Variants in CASP6 observed in about 807,000 individuals in gnomAD.
The protein encoded by CASP6 is caspase 6.
Under a neutral mutation model 31.8 loss-of-function variants are expected in CASP6, and 20 were observed. The observed-to-expected ratio is 0.63, with a 90% CI of 0.44 to 0.91. The LOEUF is 0.91. Ranked by LOEUF, CASP6 falls within the 40% of genes least tolerant of loss-of-function variation. CASP6 has a pLI of 0.00. For synonymous variants in CASP6, 130 were observed against 127.8 expected (o/e 1.02, Z -0.12); for missense variants, 328 against 361.1 (o/e 0.91, Z 0.74).
At chr4:109,707,104 TA>T (rs1329575989), upstream of CASP6, among the ~76,000 whole-genome samples, 1 of 152,192 alleles carries the variant, frequency 6.6e-6, no homozygotes, top group Admixed American at 6.5e-5. Flanking sequence ...GTATATACAT[TA>T]TTTTTTTAGA....
At chr4:109,690,708 T>C in intron 6 of CASP6, 142 bp downstream of exon 6, 1 of 769,138 alleles carries the variant, frequency 1.3e-6, no homozygotes, top group South Asian at 2.0e-5. Flanking sequence ...TGCCATGTGG[T>C]CAAAGAAATT....
At chr4:109,688,156 G>A (rs560109289), downstream of CASP6, 4 of 152,288 alleles carry the variant, frequency 2.6e-5, no homozygotes, top group Non-Finnish European at 5.9e-5. Context: ...GTATATAAAC[G>A]ATTGCTTTTG....
downstream of CASP6, chr4:109,685,234 C>T: frequency 1.1e-6 from 1 of 935,888 alleles, no homozygotes. Flanking sequence ...TTTCTTCTCT[C>T]TCTCTTTTTT....
chr4:109,682,782 C>T, the CASP6 span: 3 of 1,506,376 alleles, frequency 2.0e-6, no homozygotes, highest in Middle Eastern at 1.7e-4. Flanking sequence ...GAAAATAATA[C>T]CTAGTGTTTA....
chr4:109,682,601 C>T, the CASP6 span: 2 of 1,610,570 alleles, frequency 1.2e-6, no homozygotes, highest in Non-Finnish European at 1.7e-6. Context: ...GTAATGAGCA[C>T]ACTGCTGAGA....
intron 4 of CASP6, among the ~76,000 whole-genome samples, chr4:109,695,482 C>T (rs1018715152): frequency 1.4e-4 from 22 of 152,248 alleles, no homozygotes; most frequent in South Asian, 4.1e-4. Flanking sequence ...TAGGGCCAGG[C>T]GCAGTGGCTC....
chr4:109,702,016 C>T (rs1730435136), intron 1 of CASP6, among the ~76,000 whole-genome samples: 2 of 152,242 alleles, frequency 1.3e-5, no homozygotes, highest in South Asian at 2.1e-4. Flanking sequence ...AAAATCTACC[C>T]ATCGGCTCCA....
chr4:109,672,034 G>T, the CASP6 span, among the ~76,000 whole-genome samples: 1 of 151,846 alleles, frequency 6.6e-6, no homozygotes, highest in Non-Finnish European at 1.5e-5. Context: ...TAATGTAGTG[G>T]TAAGATATTG....
intron 1 of CASP6, among the ~76,000 whole-genome samples, chr4:109,702,051 T>C (rs1730435680): frequency 6.6e-6 from 1 of 152,198 alleles, no homozygotes; most frequent in South Asian, 2.1e-4. Context: ...AGTAACCCTA[T>C]GTAGAGTAAC....
the CASP6 span, chr4:109,682,646 T>G: frequency 1.2e-6 from 2 of 1,612,910 alleles, no homozygotes; most frequent in Non-Finnish European, 1.7e-6. Context: ...ACAGACTATT[T>G]ACAATCTTGC....
chr4:109,690,948 G>C lies in CASP6; in HGVS notation c.545C>G (p.Thr182Arg). The C allele has an allele frequency of 6.2e-7, 1 of 1,613,902 alleles. No homozygotes were observed. Among genetic ancestry groups the C allele is most frequent in the South Asian group, 1.1e-5 (1 of 91,032 alleles). ...AGTTATGTTGGTGTCCAACTTCTCT[G>C]TCTGATTATCTACTACATCCAAAGG... ...VIPLDVVDNQ[T>R]EKLDTNITEV... The change falls in exon 6 of 7, where the codon ACA (threonine) becomes AGA (arginine). Residue 182 changes from threonine (T) to arginine (R), a missense_variant. Thr to Arg is a moderately conservative substitution (Grantham distance 71, BLOSUM62 -1). Coordinates refer to ENST00000265164, the MANE Select transcript of CASP6 (RefSeq NM_001226.4).
intron 6 of CASP6, among the ~76,000 whole-genome samples, chr4:109,690,515 C>T (rs1730013804): frequency 6.6e-6 from 1 of 150,420 alleles, no homozygotes; most frequent in South Asian, 2.1e-4. Context: ...GAGTTGAGAC[C>T]TTGTCTCAAA....
At chr4:109,698,242 T>C (rs1730312606) in intron 2 of CASP6, 58 bp downstream of exon 2, 4 of 1,547,434 alleles carry the variant, frequency 2.6e-6, no homozygotes, top group East Asian at 2.3e-5. Context: ...TTGATTTCTG[T>C]AGGCTGATCA....
At chr4:109,689,781 G>T (rs1394333303) in intron 6 of CASP6, among the ~76,000 whole-genome samples, 1 of 152,108 alleles carries the variant, frequency 6.6e-6, no homozygotes, top group Non-Finnish European at 1.5e-5. Flanking sequence ...GGTTAATTCT[G>T]TATAATTTCT....
At chr4:109,677,001 AC>A in the CASP6 span, among the ~76,000 whole-genome samples, 1 of 152,190 alleles carries the variant, frequency 6.6e-6, no homozygotes, top group Admixed American at 6.5e-5. Flanking sequence ...CAGGCATGAA[AC>A]CTCAACCCAT....
the CASP6 span, among the ~76,000 whole-genome samples, chr4:109,681,795 A>T: frequency 7.5e-3 from 1,131 of 151,064 alleles, 27 homozygotes; most frequent in South Asian, 0.059. Context: ...CGAGTCTGCT[A>T]CGGCGGCAAA....
the CASP6 span, among the ~76,000 whole-genome samples, chr4:109,668,821 G>A: frequency 4.0e-5 from 6 of 150,572 alleles, no homozygotes; most frequent in Admixed American, 1.3e-4. Flanking sequence ...TTTTTTTAGC[G>A]GTTGCCTAAG....
At position 109,689,165 on chromosome 4, in the gene CASP6, G is replaced by A; in HGVS notation, c.*165C>T. ...TAAATTTTTTTTTGCATTTTTAGTA[G>A]AGACGGGGCTTCTCCATGTTGGTCA... On this transcript the variant is annotated 3_prime_UTR_variant, in exon 7 of 7. Transcript: ENST00000265164. The A allele has an allele frequency of 1.6e-6, 1 of 623,166 alleles. No individual in the cohort carries two copies. 38.6% of individuals were successfully genotyped at this position (623,166 alleles called of 1,614,324 possible).
chr4:109,703,729 C>T (rs895935375), upstream of CASP6: 3 of 460,802 alleles, frequency 6.5e-6, no homozygotes, highest in Non-Finnish European at 1.2e-5. Flanking sequence ...CCGCCTAGCC[C>T]GAGGCAATTT....
Sources: allele counts gnomAD v4.1 joint callset (sites outside exome capture counted in the v4.1 genomes callset), GRCh38; gene constraint gnomAD v4.1.1; transcripts MANE v1.5; gene names NCBI Gene and HGNC (gene_info 2026-07-23, HGNC 2026-07-21).